Variants in MTHFD2L observed in about 807,000 individuals in gnomAD.
MTHFD2L encodes the protein methylenetetrahydrofolate dehydrogenase (NADP+ dependent) 2 like.
A neutral mutation model predicts 34.9 loss-of-function variants in MTHFD2L; 29 were observed. The observed-to-expected ratio is 0.83, with a 90% CI of 0.62 to 1.13. The LOEUF (loss-of-function observed/expected upper bound fraction) is 1.13, where lower values mean the gene tolerates loss of function less well. Among genes scored for constraint, MTHFD2L ranks in the 50% most tolerant of loss-of-function variants. The pLI is 0.00. For missense variants in MTHFD2L, 481 were observed against 446.5 expected (o/e 1.08, Z -0.70); for synonymous variants, 167 against 155.7 (o/e 1.07, Z -0.54).
chr4:74,192,407 C>G (rs929241186), intron 3 of MTHFD2L, among the ~76,000 whole-genome samples: 2 of 152,084 alleles, frequency 1.3e-5, no homozygotes, highest in African/African-American at 4.8e-5. Context: ...TTCACCCGTC[C>G]ATTTTATTTT....
At chr4:74,123,039 C>A (rs992221168), upstream of MTHFD2L, among the ~76,000 whole-genome samples, 2 of 151,998 alleles carry the variant, frequency 1.3e-5, no homozygotes, top group African/African-American at 4.8e-5. Context: ...CAAAAATAAT[C>A]AAATTGAGAG....
intron 3 of MTHFD2L, among the ~76,000 whole-genome samples, chr4:74,188,027 C>T (rs1731660746): frequency 6.6e-6 from 1 of 151,976 alleles, no homozygotes; most frequent in African/African-American, 2.4e-5. Flanking sequence ...TACTACTCAG[C>T]AATATTAAGG....
At chr4:74,284,308 G>A (rs954420079) in intron 7 of MTHFD2L, among the ~76,000 whole-genome samples, 3 of 152,118 alleles carry the variant, frequency 2.0e-5, no homozygotes, top group African/African-American at 7.2e-5. Flanking sequence ...AATGTTGGAA[G>A]CTGATTCATA....
chr4:74,154,381 A>T (rs1358399333), upstream of MTHFD2L, among the ~76,000 whole-genome samples: 1 of 152,148 alleles, frequency 6.6e-6, no homozygotes, highest in African/African-American at 2.4e-5. Context: ...GAAGTGAAGA[A>T]TTCTACTCCT....
chr4:74,206,184 T>G (rs1296319610), intron 5 of MTHFD2L, among the ~76,000 whole-genome samples: 3 of 151,602 alleles, frequency 2.0e-5, no homozygotes, highest in Non-Finnish European at 2.9e-5. Context: ...AGTAACTCCT[T>G]TGATTTGGGG....
intron 1 of MTHFD2L, among the ~76,000 whole-genome samples, chr4:74,168,417 C>T (rs530227474): frequency 6.6e-6 from 1 of 152,254 alleles, no homozygotes; most frequent in Non-Finnish European, 1.5e-5. Flanking sequence ...TCATTTCTGC[C>T]CACGTGTCAC....
chr4:74,160,143 A>G (rs1420244098), intron 1 of MTHFD2L: 2 of 1,200,720 alleles, frequency 1.7e-6, no homozygotes, highest in Non-Finnish European at 2.2e-6. Context: ...TTTTTTATAT[A>G]TATAATGACA....
chr4:74,244,913 G>T (rs1742198245), intron 6 of MTHFD2L, among the ~76,000 whole-genome samples: 1 of 152,090 alleles, frequency 6.6e-6, no homozygotes. Context: ...TCTAGTTGTT[G>T]GCCGGGTGCA....
At chr4:74,233,713 G>A (rs1740429328) in intron 6 of MTHFD2L, among the ~76,000 whole-genome samples, 1 of 151,866 alleles carries the variant, frequency 6.6e-6, no homozygotes, top group South Asian at 2.1e-4. Context: ...CCTCAAATAA[G>A]CAAAAACATT....
intron 5 of MTHFD2L, among the ~76,000 whole-genome samples, chr4:74,206,029 C>G (rs938541681): frequency 2.0e-5 from 3 of 151,632 alleles, no homozygotes; most frequent in Non-Finnish European, 4.4e-5. Context: ...ACCTGTAGAT[C>G]ATTGTATATT....
upstream of MTHFD2L, among the ~76,000 whole-genome samples, chr4:74,124,436 T>C (rs1299203036): frequency 1.3e-5 from 2 of 151,494 alleles, no homozygotes; most frequent in Non-Finnish European, 2.9e-5. Flanking sequence ...AGAATGGCCA[T>C]ATGGATATAA....
intron 6 of MTHFD2L, chr4:74,268,302 C>A: frequency 1.1e-6 from 1 of 935,016 alleles, no homozygotes; most frequent in South Asian, 4.9e-5. Flanking sequence ...TACATTCACA[C>A]AAATTCCACT....
In MTHFD2L at chr4:74,186,749, A is replaced by G. The variant is rs377011427; in HGVS notation, c.451+11346A>G. On this transcript the variant is annotated intron_variant, in intron 3 of 7. Transcript: ENST00000325278. ...GAAGACTAAATACTGTTAAAATACC[A>G]ATTTTCCTCCAACTGATTTGTAGGT... 1.3e-4 allele frequency among the ~76,000 whole-genome samples: 20 copies of G among 152,184 alleles called. 1 individual carries two copies. The highest frequency in any genetic ancestry group is 4.3e-4 in the African/African-American group (18 of 41,540).
rs1453592245 is a variant in MTHFD2L, at chr4:74,196,234, CAG to C, written c.452-3559_452-3558del. On this transcript the variant is annotated intron_variant, in intron 3 of 7. Coordinates refer to ENST00000325278, the MANE Select transcript of MTHFD2L (RefSeq NM_001144978.3). Reference sequence around the variant, plus strand: ...TTGTTTCAATTTGTGATCATTTCAACAGGGGGCAATTGATCAATGCATTGAAG... The same window carrying C: ...TTGTTTCAATTTGTGATCATTTCAACGGGGCAATTGATCAATGCATTGAAG... 4.6e-5 allele frequency among the ~76,000 whole-genome samples: 7 copies of C among 151,866 alleles called. No homozygotes were observed. In the South Asian group the frequency reaches 1.2e-3, roughly 27 times the overall value.
upstream of MTHFD2L, chr4:74,157,999 C>G: frequency 7.6e-7 from 1 of 1,309,928 alleles, no homozygotes; most frequent in Non-Finnish European, 1.1e-6. Context: ...TTACCCCACT[C>G]TGCGTGTCTG....
chr4:74,165,649 C>T (rs1305338706), intron 1 of MTHFD2L, among the ~76,000 whole-genome samples: 1 of 152,238 alleles, frequency 6.6e-6, no homozygotes, highest in Non-Finnish European at 1.5e-5. Flanking sequence ...AGCCACTAGG[C>T]CCGGCCCTTG....
At chr4:74,266,994 G>C (rs1472378274) in intron 6 of MTHFD2L, 3 of 985,270 alleles carry the variant, frequency 3.0e-6, no homozygotes, top group Non-Finnish European at 2.4e-6. Flanking sequence ...TTGAGCTCTG[G>C]GGAACCTAAA....
chr4:74,258,076 A>G (rs1744248907), intron 6 of MTHFD2L, among the ~76,000 whole-genome samples: 1 of 152,244 alleles, frequency 6.6e-6, no homozygotes, highest in Admixed American at 6.5e-5. Flanking sequence ...GAAAAAAAAA[A>G]GGTTACAAAT....
chr4:74,169,197 A>G (rs1289346132), intron 1 of MTHFD2L, among the ~76,000 whole-genome samples: 4 of 152,234 alleles, frequency 2.6e-5, no homozygotes, highest in African/African-American at 9.6e-5. Flanking sequence ...TTAGCACCTC[A>G]GTGCTATAAT....
Sources: allele counts gnomAD v4.1 joint callset (sites outside exome capture counted in the v4.1 genomes callset), GRCh38; gene constraint gnomAD v4.1.1; transcripts MANE v1.5; gene names NCBI Gene and HGNC (gene_info 2026-07-23, HGNC 2026-07-21).